Variants in RIT2 observed in about 807,000 individuals in gnomAD.
The protein encoded by RIT2 is Ras like without CAAX 2, also known as GTP-binding protein Rit2.
In RIT2, 24 loss-of-function variants were observed where a neutral mutation model predicts 23.7. That is an observed-to-expected ratio of 1.01 (90% CI 0.73 to 1.43). The LOEUF (loss-of-function observed/expected upper bound fraction) is 1.43, where lower values mean the gene tolerates loss of function less well. Ranked by LOEUF, RIT2 falls within the 40% of genes most tolerant of loss-of-function variation. The pLI, the probability that RIT2 is intolerant of heterozygous loss-of-function variation, is 0.00. For synonymous variants in RIT2, 107 were observed against 91.1 expected (o/e 1.17, Z -0.99); for missense variants, 236 against 266.9 (o/e 0.88, Z 0.81).
chr18:42,896,058 G>A lies in RIT2; in HGVS notation c.426+27514C>T, dbSNP rs867805701. On this transcript the variant is annotated intron_variant, in intron 4 of 4. Coordinates refer to ENST00000326695, the MANE Select transcript of RIT2 (RefSeq NM_002930.4). ...GGCTGGCCATCACCTGAGGTCAGGA[G>A]TTCGAGACCAGCCTGGTTAACATGG... Among the ~76,000 whole-genome samples the A allele has an allele frequency of 2.0e-5, 3 of 152,170 alleles. 1 individual carries two copies. Among genetic ancestry groups the A allele is most frequent in the Non-Finnish European group, 4.4e-5 (3 of 68,034 alleles).
chr18:43,025,312 T>A lies in RIT2; in HGVS notation c.160+8499A>T, dbSNP rs187285860. Among the ~76,000 whole-genome samples, 5 of 151,138 alleles carry A rather than the reference T, an allele frequency of 3.3e-5. No homozygotes were observed. In the East Asian group the frequency reaches 9.8e-4, roughly 30 times the overall value. On this transcript the variant is annotated intron_variant, in intron 2 of 4. Transcript: ENST00000326695. ...TTGCAGAGCAAAGGGAATGCTTATA[T>A]ACTCTTGGTAAGAATGGTAAGAATG...
At chr18:42,776,933 G>A (rs904241667) in intron 4 of RIT2, among the ~76,000 whole-genome samples, 9 of 152,074 alleles carry the variant, frequency 5.9e-5, no homozygotes, top group Non-Finnish European at 1.0e-4. Context: ...TAGAGTAGAA[G>A]AAGAAGGAAA....
At chr18:42,828,003 CAAAAA>C (rs200737336) in intron 4 of RIT2, among the ~76,000 whole-genome samples, 16 of 51,742 alleles carry the variant, frequency 3.1e-4, no homozygotes, top group African/African-American at 1.0e-3. Flanking sequence ...GACTCCGTCT[CAAAAA>C]AAAAAAAAAA....
intron 3 of RIT2, among the ~76,000 whole-genome samples, chr18:42,941,621 G>A (rs1568035815): frequency 6.6e-6 from 1 of 152,078 alleles, no homozygotes; most frequent in Non-Finnish European, 1.5e-5. Flanking sequence ...TGTTGTTGTG[G>A]AGTAGAATTA....
chr18:43,114,073 C>A (rs1015479778), intron 1 of RIT2, among the ~76,000 whole-genome samples: 1 of 152,108 alleles, frequency 6.6e-6, no homozygotes, highest in Non-Finnish European at 1.5e-5. Context: ...CCTTCCTTCT[C>A]AAATCATTAT....
rs73484663 is a variant in RIT2 at position 42,758,222 on chromosome 18, G to A, written c.427-14502C>T. ...AGGAAAGGATTAGAAAAAAAAAGACGTACAATTTCAAAATAAAATACATTA... is the reference window on the plus strand; with the variant it reads ...AGGAAAGGATTAGAAAAAAAAAGACATACAATTTCAAAATAAAATACATTA... On this transcript the variant is annotated intron_variant, in intron 4 of 4. Transcript: ENST00000326695. 6.4e-3 allele frequency among the ~76,000 whole-genome samples: 970 copies of A among 152,106 alleles called. 9 individuals carry two copies. The highest frequency in any genetic ancestry group is 0.021 in the African/African-American group (871 of 41,522).
chr18:43,099,974 T>G (rs1913645020), intron 1 of RIT2, among the ~76,000 whole-genome samples: 1 of 152,134 alleles, frequency 6.6e-6, no homozygotes, highest in Non-Finnish European at 1.5e-5. Flanking sequence ...CATTGAAGCT[T>G]CACAAGTTTA....
At chr18:42,751,430 T>C (rs1913043561) in intron 4 of RIT2, among the ~76,000 whole-genome samples, 1 of 151,870 alleles carries the variant, frequency 6.6e-6, no homozygotes, top group African/African-American at 2.4e-5. Context: ...AATATAAGCA[T>C]CACAAATCAA....
Position 42,764,454 on chromosome 18 carries a change from G to A in RIT2, c.427-20734C>T, listed in dbSNP as rs557114853. ...CTTCCATATGCTATACCCTAGCTAC[G>A]TAAAAGTACTTGCATTTTTTAGAAT... On this transcript the variant is annotated intron_variant, in intron 4 of 4. Coordinates refer to ENST00000326695, the MANE Select transcript of RIT2 (RefSeq NM_002930.4). 1.9e-4 allele frequency among the ~76,000 whole-genome samples: 29 copies of A among 152,150 alleles called. No homozygotes were observed. In the South Asian group the frequency reaches 2.1e-3, roughly 11 times the overall value.
intron 4 of RIT2, among the ~76,000 whole-genome samples, chr18:42,825,583 C>T (rs949318485): frequency 6.6e-6 from 1 of 151,704 alleles, no homozygotes; most frequent in African/African-American, 2.4e-5. Context: ...TACTTATGTA[C>T]ATCAATGTAA....
At chr18:42,985,929 C>T (rs1258633654) in intron 2 of RIT2, among the ~76,000 whole-genome samples, 1 of 151,738 alleles carries the variant, frequency 6.6e-6, no homozygotes, top group Non-Finnish European at 1.5e-5. Context: ...AAACAAAAAA[C>T]ATTGTTCATC....
At chr18:42,796,892 A>G (rs902478977) in intron 4 of RIT2, among the ~76,000 whole-genome samples, 1 of 152,258 alleles carries the variant, frequency 6.6e-6, no homozygotes, top group Non-Finnish European at 1.5e-5. Context: ...AAGTAAAGAC[A>G]GAAGAGCTCA....
intron 2 of RIT2, among the ~76,000 whole-genome samples, chr18:43,019,332 T>G (rs1911544395): frequency 6.6e-6 from 1 of 151,744 alleles, no homozygotes; most frequent in Non-Finnish European, 1.5e-5. Context: ...AAAAAGATAA[T>G]ACAATATGAT....
intron 4 of RIT2, among the ~76,000 whole-genome samples, chr18:42,850,076 C>CGTGTGT (rs60962443): frequency 0.02 from 2,827 of 142,694 alleles, 36 homozygotes; most frequent in African/African-American, 0.028. Context: ...AAAATACACC[C>CGTGTGT]GTGTGTGTGT....
chr18:43,088,587 A>T (rs1258921663), intron 1 of RIT2, among the ~76,000 whole-genome samples: 1 of 152,182 alleles, frequency 6.6e-6, no homozygotes, highest in East Asian at 1.9e-4. Flanking sequence ...TCATTTCATG[A>T]CTTTTATTAA....
chr18:42,853,557 A>C (rs2092470228), intron 4 of RIT2, among the ~76,000 whole-genome samples: 1 of 152,234 alleles, frequency 6.6e-6, no homozygotes, highest in Non-Finnish European at 1.5e-5. Context: ...ACAGGTTACA[A>C]GTATTGGAGG....
chr18:43,062,647 G>A (rs1276365225), intron 1 of RIT2, among the ~76,000 whole-genome samples: 1 of 152,150 alleles, frequency 6.6e-6, no homozygotes, highest in Non-Finnish European at 1.5e-5. Context: ...AAGATCAGTA[G>A]TTTAAATAGC....
chr18:42,951,528 CA>C (rs1469168189), intron 3 of RIT2, among the ~76,000 whole-genome samples: 1 of 151,840 alleles, frequency 6.6e-6, no homozygotes, highest in African/African-American at 2.4e-5. Context: ...CTCAGCATCA[CA>C]CAATATACCC....
intron 2 of RIT2, among the ~76,000 whole-genome samples, chr18:42,978,700 A>C (rs1910529039): frequency 6.6e-6 from 1 of 152,136 alleles, no homozygotes; most frequent in East Asian, 1.9e-4. Context: ...CTTAAAATTT[A>C]TCTCAAAGTA....
Sources: gnomAD v4.1 joint callset for allele counts (sites outside exome capture counted in the v4.1 genomes callset) on GRCh38, gnomAD v4.1.1 for gene constraint, MANE v1.5 for transcripts, NCBI Gene and HGNC (gene_info 2026-07-23, HGNC 2026-07-21) for gene names.